Variants in ETV1 observed in about 807,000 individuals in gnomAD.
The protein encoded by ETV1 is ETS translocation variant 1.
A neutral mutation model predicts 62.3 loss-of-function variants in ETV1; 27 were observed. That is an observed-to-expected ratio of 0.43 (90% CI 0.32 to 0.60). ETV1 has a LOEUF of 0.60. ETV1 is among the 20% of genes least tolerant of loss of function. ETV1 has a pLI of 0.06. For synonymous variants in ETV1, 222 were observed against 199.6 expected (o/e 1.11, Z -0.94); for missense variants, 605 against 605.8 (o/e 1.00, Z 0.01).
chr7:13,969,908 G>A (rs1780695968), intron 6 of ETV1, among the ~76,000 whole-genome samples: 1 of 152,080 alleles, frequency 6.6e-6, no homozygotes, highest in Admixed American at 6.6e-5. Flanking sequence ...TGCAGGAACG[G>A]GGAATAATTT....
chr7:13,969,013 T>G (rs891978192), intron 6 of ETV1, among the ~76,000 whole-genome samples: 5 of 152,168 alleles, frequency 3.3e-5, no homozygotes, highest in African/African-American at 1.2e-4. Flanking sequence ...AACTAAAATT[T>G]TCGCTTTACT....
chr7:13,897,926 C>T lies in ETV1; in HGVS notation c.1213-1839G>A, dbSNP rs555018194. Among the ~76,000 whole-genome samples, 17 of 152,250 alleles carry T rather than the reference C, an allele frequency of 1.1e-4. No individual in the cohort carries two copies. In the East Asian group the frequency reaches 2.5e-3, roughly 22 times the overall value. The stretch of plus-strand genomic sequence containing the variant: ...AGATACATTTGCTTTAAGTACTGGA[C>T]TTCCTTTGACGGGTTGCTACTGGCT... On this transcript the variant is annotated intron_variant, in intron 13 of 13. Transcript: ENST00000430479.
intron 5 of ETV1, among the ~76,000 whole-genome samples, chr7:13,984,617 T>G (rs913906651): frequency 6.6e-6 from 1 of 152,016 alleles, no homozygotes; most frequent in Non-Finnish European, 1.5e-5. Context: ...GCTTAAATTA[T>G]TCTAAAATGA....
At chr7:13,971,213 C>T (rs535252089) in intron 6 of ETV1, among the ~76,000 whole-genome samples, 11 of 152,280 alleles carry the variant, frequency 7.2e-5, no homozygotes, top group Middle Eastern at 3.4e-3. Flanking sequence ...TTAGGTGATC[C>T]GCCTGCCTCG....
intron 9 of ETV1, among the ~76,000 whole-genome samples, chr7:13,930,697 A>G (rs774462022): frequency 5.3e-5 from 8 of 152,168 alleles, no homozygotes; most frequent in Non-Finnish European, 1.0e-4. Context: ...TTTCTAGCTC[A>G]CAGAGACAAA....
intron 6 of ETV1, among the ~76,000 whole-genome samples, chr7:13,972,619 A>G (rs1781020311): frequency 6.6e-6 from 1 of 152,210 alleles, no homozygotes; most frequent in African/African-American, 2.4e-5. Flanking sequence ...GATTAAGCAC[A>G]TCCTAACGTA....
At chr7:13,899,174 G>C (rs1195226245) in intron 13 of ETV1, among the ~76,000 whole-genome samples, 1 of 152,148 alleles carries the variant, frequency 6.6e-6, no homozygotes, top group Non-Finnish European at 1.5e-5. Context: ...CCCAGGCAAT[G>C]TGCCCCCGCA....
chr7:13,984,635 T>C (rs1350211862), intron 5 of ETV1, among the ~76,000 whole-genome samples: 1 of 151,972 alleles, frequency 6.6e-6, no homozygotes, highest in African/African-American at 2.4e-5. Context: ...TGAAATCTTA[T>C]CCATAGTTTG....
intron 11 of ETV1, among the ~76,000 whole-genome samples, chr7:13,907,601 A>T (rs1259820913): frequency 6.6e-6 from 1 of 152,126 alleles, no homozygotes; most frequent in African/African-American, 2.4e-5. Flanking sequence ...CTCCAGCCAC[A>T]TGTCTCAAAA....
chr7:13,917,255 T>G (rs1784276721), intron 9 of ETV1, among the ~76,000 whole-genome samples: 2 of 151,946 alleles, frequency 1.3e-5, no homozygotes, highest in Admixed American at 6.6e-5. Context: ...AAAGTTGAAG[T>G]GATAGAAAAC....
intron 9 of ETV1, among the ~76,000 whole-genome samples, chr7:13,913,216 A>G (rs1456781057): frequency 6.6e-6 from 1 of 152,218 alleles, no homozygotes; most frequent in African/African-American, 2.4e-5. Context: ...AAGTTCAACA[A>G]CCGTAACAAG....
At chr7:13,915,031 T>G (rs1783998898) in intron 9 of ETV1, among the ~76,000 whole-genome samples, 1 of 152,240 alleles carries the variant, frequency 6.6e-6, no homozygotes, top group Admixed American at 6.5e-5. Flanking sequence ...GGTTAAATTC[T>G]TCTACCAATA....
At chr7:13,934,186 A>G (rs1247422908) in intron 8 of ETV1, among the ~76,000 whole-genome samples, 1 of 152,230 alleles carries the variant, frequency 6.6e-6, no homozygotes, top group Admixed American at 6.5e-5. Flanking sequence ...ACAGATGCAC[A>G]TACCATTGCA....
At chr7:13,973,820 T>C (rs1305367480) in intron 6 of ETV1, among the ~76,000 whole-genome samples, 1 of 152,212 alleles carries the variant, frequency 6.6e-6, no homozygotes, top group South Asian at 2.1e-4. Context: ...TAAACTTTCA[T>C]AGTTTCGGCA....
intron 5 of ETV1, among the ~76,000 whole-genome samples, chr7:13,985,859 T>C (rs573305844): frequency 5.7e-4 from 87 of 152,296 alleles, no homozygotes; most frequent in African/African-American, 2.0e-3. Flanking sequence ...AGCAATCTCA[T>C]TTTCCTATAA....
At chr7:13,908,107 CT>C (rs1215325767) in intron 11 of ETV1, among the ~76,000 whole-genome samples, 1 of 152,094 alleles carries the variant, frequency 6.6e-6, no homozygotes, top group Non-Finnish European at 1.5e-5. Context: ...ACTGATCACA[CT>C]GACCATGTAC....
chr7:13,898,937 T>C (rs1782118369), intron 13 of ETV1, among the ~76,000 whole-genome samples: 1 of 152,206 alleles, frequency 6.6e-6, no homozygotes, highest in African/African-American at 2.4e-5. Flanking sequence ...AGTTCAGATA[T>C]ACTTTACATT....
At chr7:13,932,037 TACACACCCACACACAC>T (rs1342304483) in intron 8 of ETV1, among the ~76,000 whole-genome samples, 3 of 113,518 alleles carry the variant, frequency 2.6e-5, no homozygotes, top group African/African-American at 1.2e-4. Flanking sequence ...TTGAGGATTT[TACACACCCACACACAC>T]ACACACACAC....
intron 12 of ETV1, among the ~76,000 whole-genome samples, chr7:13,903,719 C>T (rs1301369686): frequency 6.9e-6 from 1 of 145,478 alleles, no homozygotes; most frequent in African/African-American, 2.6e-5. Flanking sequence ...GCCAAGGTCG[C>T]ACCACTGCAC....
Sources: gnomAD v4.1 joint callset for allele counts (sites outside exome capture counted in the v4.1 genomes callset) on GRCh38, gnomAD v4.1.1 for gene constraint, MANE v1.5 for transcripts, NCBI Gene and HGNC (gene_info 2026-07-23, HGNC 2026-07-21) for gene names.